Variants in TAFA1 observed in about 807,000 individuals in gnomAD.
The protein encoded by TAFA1 is chemokine-like protein TAFA-1.
A neutral mutation model predicts 18.5 loss-of-function variants in TAFA1; 4 were observed. That is an observed-to-expected ratio of 0.22 (90% CI 0.11 to 0.49). The LOEUF is 0.49. Among genes scored for constraint, TAFA1 ranks in the 20% least tolerant of loss-of-function variants. The probability of loss-of-function intolerance (pLI) is 0.98; values close to 1 mark genes in which losing one functional copy is unlikely to be tolerated. For missense variants in TAFA1, 147 were observed against 169.0 expected (o/e 0.87, Z 0.72); for synonymous variants, 56 against 55.2 (o/e 1.01, Z -0.06).
chr3:68,356,101 C>T (rs896344386), intron 2 of TAFA1, among the ~76,000 whole-genome samples: 2 of 151,844 alleles, frequency 1.3e-5, no homozygotes, highest in Non-Finnish European at 1.5e-5. Flanking sequence ...AAATGTAGAA[C>T]ATTTCCACCA....
chr3:68,420,020 T>C (rs2106805514), intron 3 of TAFA1, among the ~76,000 whole-genome samples: 1 of 152,290 alleles, frequency 6.6e-6, no homozygotes, highest in Non-Finnish European at 1.5e-5. Flanking sequence ...AATTAGAGAA[T>C]GATATAAGGC....
intron 2 of TAFA1, among the ~76,000 whole-genome samples, chr3:68,162,336 A>G (rs1156984647): frequency 1.3e-5 from 2 of 152,172 alleles, no homozygotes; most frequent in African/African-American, 4.8e-5. Context: ...ATCATCAGGC[A>G]TTAGTTAGAT....
chr3:68,213,462 G>A (rs891770055), intron 2 of TAFA1, among the ~76,000 whole-genome samples: 13 of 152,060 alleles, frequency 8.5e-5, no homozygotes, highest in Admixed American at 2.0e-4. Flanking sequence ...ATGTAGTTAA[G>A]AGAAGTAATA....
chr3:68,016,860 G>A (rs552789610), intron 2 of TAFA1, among the ~76,000 whole-genome samples: 1 of 152,186 alleles, frequency 6.6e-6, no homozygotes, highest in East Asian at 1.9e-4. Context: ...TATAATATAA[G>A]AGCATGTTAA....
intron 2 of TAFA1, among the ~76,000 whole-genome samples, chr3:68,113,613 C>T (rs142557969): frequency 6.6e-6 from 1 of 152,070 alleles, no homozygotes; most frequent in Non-Finnish European, 1.5e-5. Flanking sequence ...GAAAGGTTCT[C>T]ACGGCATGGA....
At chr3:68,225,330 G>A (rs1358638044) in intron 2 of TAFA1, among the ~76,000 whole-genome samples, 3 of 152,114 alleles carry the variant, frequency 2.0e-5, no homozygotes, top group Non-Finnish European at 4.4e-5. Context: ...ATGTCTAATC[G>A]GAACTTGTGC....
In TAFA1 at chr3:68,086,500, A is replaced by C. The variant is rs115376482; in HGVS notation, c.118+79756A>C. Among the ~76,000 whole-genome samples, 677 of 152,290 alleles carry C rather than the reference A, an allele frequency of 4.4e-3. 6 individuals are homozygous for C. The highest frequency in any genetic ancestry group is 0.015 in the African/African-American group (620 of 41,574). ...TGTTGCATGTTAAAACAGCATTCTT[A>C]CTTTGCATTTTCACTTATTCTTATA... On this transcript the variant is annotated intron_variant, in intron 2 of 4. Transcript: ENST00000478136.
chr3:68,013,369 G>A (rs1394467890), intron 2 of TAFA1, among the ~76,000 whole-genome samples: 4 of 152,050 alleles, frequency 2.6e-5, no homozygotes, highest in Non-Finnish European at 4.4e-5. Context: ...TATTATGTGT[G>A]TATCTTTATG....
intron 2 of TAFA1, among the ~76,000 whole-genome samples, chr3:68,046,422 A>C (rs917833030): frequency 3.3e-5 from 5 of 152,218 alleles, no homozygotes; most frequent in African/African-American, 1.2e-4. Flanking sequence ...AAATTTTTCC[A>C]TGATGAATAC....
chr3:68,027,876 C>T (rs1452456581), intron 2 of TAFA1, among the ~76,000 whole-genome samples: 1 of 152,126 alleles, frequency 6.6e-6, no homozygotes, highest in African/African-American at 2.4e-5. Context: ...TTGAGGATTC[C>T]ATGTTCCAGG....
the TAFA1 span, among the ~76,000 whole-genome samples, chr3:67,991,898 C>T: frequency 6.6e-6 from 1 of 152,186 alleles, no homozygotes; most frequent in Admixed American, 6.5e-5. Flanking sequence ...TATAAACTGT[C>T]AATATATCTA....
intron 2 of TAFA1, among the ~76,000 whole-genome samples, chr3:68,370,812 CAT>C (rs1341874289): frequency 7.3e-6 from 1 of 137,368 alleles, no homozygotes; most frequent in Admixed American, 7.7e-5. Context: ...TGTCTGGACT[CAT>C]AATCCCTGAA....
At chr3:68,106,520 A>G (rs775803556) in intron 2 of TAFA1, among the ~76,000 whole-genome samples, 33 of 152,156 alleles carry the variant, frequency 2.2e-4, no homozygotes, top group Non-Finnish European at 2.8e-4. Flanking sequence ...GCTAATACAT[A>G]TTTGTAACTT....
chr3:68,246,561 G>T (rs926221876), intron 2 of TAFA1, among the ~76,000 whole-genome samples: 2 of 122,132 alleles, frequency 1.6e-5, no homozygotes, highest in Non-Finnish European at 3.2e-5. Flanking sequence ...CCGCACTCCA[G>T]CCTGGGCGAC....
intron 2 of TAFA1, among the ~76,000 whole-genome samples, chr3:68,362,980 C>T (rs201850783): frequency 9.7e-4 from 73 of 74,968 alleles, no homozygotes; most frequent in Admixed American, 1.7e-3. Context: ...GTCTTGCAGG[C>T]TTTTTTTTTT....
intron 2 of TAFA1, among the ~76,000 whole-genome samples, chr3:68,363,077 C>T (rs1331368007): frequency 6.9e-6 from 1 of 144,160 alleles, no homozygotes; most frequent in African/African-American, 2.6e-5. Context: ...TGCCAATTAC[C>T]TACTGGGGAA....
intron 2 of TAFA1, among the ~76,000 whole-genome samples, chr3:68,254,551 G>A (rs1289612407): frequency 1.3e-5 from 2 of 151,746 alleles, no homozygotes; most frequent in Non-Finnish European, 2.9e-5. Context: ...TAATTACTGA[G>A]GTCACTTTCT....
At position 68,014,916 on chromosome 3, in the gene TAFA1, A is replaced by G. The variant is rs1187676775; in HGVS notation, c.118+8172A>G. Among the ~76,000 whole-genome samples the G allele has an allele frequency of 2.0e-5, 3 of 152,250 alleles. No homozygotes were observed. The East Asian group carries it at 5.8e-4, about 29-fold the overall frequency. Reference sequence around the variant, plus strand: ...TGTCAGGTGGGCCAAATAAATCAAGACTGATGGCTCTATCCTACCTGCAGG... The same window carrying G: ...TGTCAGGTGGGCCAAATAAATCAAGGCTGATGGCTCTATCCTACCTGCAGG... On this transcript the variant is annotated intron_variant, in intron 2 of 4. Coordinates refer to ENST00000478136, the MANE Select transcript of TAFA1 (RefSeq NM_213609.4).
chr3:68,058,565 C>G (rs996342565), intron 2 of TAFA1, among the ~76,000 whole-genome samples: 1 of 152,110 alleles, frequency 6.6e-6, no homozygotes, highest in Non-Finnish European at 1.5e-5. Context: ...TATTAATAGA[C>G]ATAGCTGAGA....
Sources: allele counts gnomAD v4.1 joint callset (sites outside exome capture counted in the v4.1 genomes callset), GRCh38; gene constraint gnomAD v4.1.1; transcripts MANE v1.5; gene names NCBI Gene and HGNC (gene_info 2026-07-23, HGNC 2026-07-21).